PAFAH2: variants seen among roughly 807,000 people sequenced by gnomAD.
The protein encoded by PAFAH2 is platelet activating factor acetylhydrolase 2, also known as platelet-activating factor acetylhydrolase 2, cytoplasmic.
Under a neutral mutation model 49.0 loss-of-function variants are expected in PAFAH2, and 42 were observed. The observed-to-expected ratio is 0.86, with a 90% CI of 0.67 to 1.11. PAFAH2 has a LOEUF of 1.11. Ranked by LOEUF, PAFAH2 falls within the 50% of genes least tolerant of loss-of-function variation. PAFAH2 has a pLI of 0.00. For missense variants in PAFAH2, 503 were observed against 501.8 expected, an observed-to-expected ratio of 1.00 and a Z score of -0.02; for synonymous variants, 184 against 181.3, an observed-to-expected ratio of 1.01 and a Z score of -0.12.
rs1335415258 is a variant in PAFAH2 at position 25,987,421 on chromosome 1, C to T, written c.341+810G>A. Among the ~76,000 whole-genome samples the T allele has an allele frequency of 3.3e-5, 5 of 151,974 alleles. No individual in the cohort carries two copies. In the East Asian group the frequency reaches 9.8e-4, roughly 30 times the overall value. On this transcript the variant is annotated intron_variant, in intron 4 of 10. Coordinates refer to ENST00000374282, the MANE Select transcript of PAFAH2 (RefSeq NM_000437.4). ...TATGTTGATGAACAGACAGAGAGAA[C>T]ATTCACAAGCTTAAATAAGAACACA...
At chr1:25,990,936 C>T in intron 1 of PAFAH2, 73 bp from the exon 2 acceptor site, 1 of 718,110 alleles carries the variant, frequency 1.4e-6, no homozygotes, top group South Asian at 1.7e-5. Context: ...AATGTGTTAT[C>T]TGTTACCCTG....
chr1:25,986,783 G>A (rs1460580443), intron 4 of PAFAH2, among the ~76,000 whole-genome samples: 1 of 151,772 alleles, frequency 6.6e-6, no homozygotes, highest in Non-Finnish European at 1.5e-5. Flanking sequence ...CACCCACCTC[G>A]GCCTCCCAAA....
intron 1 of PAFAH2, among the ~76,000 whole-genome samples, chr1:25,992,233 T>C (rs931923578): frequency 6.6e-6 from 1 of 152,196 alleles, no homozygotes; most frequent in African/African-American, 2.4e-5. Context: ...ACCCAGCTTT[T>C]AAACTACTGA....
Position 25,974,649 on chromosome 1 carries a change from A to C in PAFAH2, c.760T>G (p.Cys254Gly). The part of the protein sequence containing the change: ...LALAKETQFR[C>G]AVALDAWMFP... Reference sequence around the variant, plus strand: ...ATCCAAGCATCCAGAGCCACCGCACACCTGGAATAGGACCAGACATTTGGA... The same window carrying C: ...ATCCAAGCATCCAGAGCCACCGCACCCCTGGAATAGGACCAGACATTTGGA... Residue 254 changes from cysteine to glycine, a missense_variant and splice_region_variant, in exon 9 of 11, where the codon TGT becomes GGT. Cys to Gly is a radical substitution (Grantham distance 159, BLOSUM62 -3). Coordinates refer to ENST00000374282, the MANE Select transcript of PAFAH2 (RefSeq NM_000437.4). 1 of 1,612,416 alleles carries C rather than the reference A, an allele frequency of 6.2e-7. No individual in the cohort carries two copies. The highest frequency in any genetic ancestry group is 8.5e-7 in the Non-Finnish European group (1 of 1,179,106).
In PAFAH2 at chr1:25,960,445, T is replaced by G. The variant is rs1325788776; in HGVS notation, c.*1544A>C. ...AGACTTCCTTCCTTTTAAAGTTTTTTTCCCACATGGGCCCAAGTAGTAAGC... is the reference window on the plus strand; with the variant it reads ...AGACTTCCTTCCTTTTAAAGTTTTTGTCCCACATGGGCCCAAGTAGTAAGC... On this transcript the variant is annotated 3_prime_UTR_variant, in exon 11 of 11. Transcript: ENST00000374282. 1 of 152,676 alleles carries G rather than the reference T, an allele frequency of 6.5e-6. No individual in the cohort carries two copies. Among genetic ancestry groups the G allele is most frequent in the African/African-American group, 2.4e-5 (1 of 41,472 alleles). 9.5% of individuals were successfully genotyped at this position (152,676 alleles called of 1,614,324 possible). A position where few individuals can be genotyped will look rare whatever the true frequency, so the allele number is the denominator to read the frequency against.
intron 9 of PAFAH2, among the ~76,000 whole-genome samples, chr1:25,972,970 G>A (rs543148326): frequency 2.7e-4 from 41 of 152,326 alleles, no homozygotes; most frequent in Admixed American, 7.8e-4. Flanking sequence ...GGCTTGACCC[G>A]TAGACTACAA....
chr1:25,966,119 T>C (rs1411624224), intron 10 of PAFAH2, among the ~76,000 whole-genome samples: 1 of 151,762 alleles, frequency 6.6e-6, no homozygotes, highest in African/African-American at 2.4e-5. Context: ...CCAGAAACAA[T>C]AAATGCTGGT....
intron 1 of PAFAH2, among the ~76,000 whole-genome samples, chr1:25,995,658 T>G (rs1355979080): frequency 1.3e-5 from 2 of 152,222 alleles, no homozygotes; most frequent in African/African-American, 4.8e-5. Flanking sequence ...CCCAGAAGCA[T>G]GTTCCTATCA....
intron 10 of PAFAH2, among the ~76,000 whole-genome samples, chr1:25,969,438 T>G (rs181247111): frequency 1.3e-5 from 2 of 152,222 alleles, no homozygotes; most frequent in South Asian, 4.1e-4. Flanking sequence ...ACCGCCAGCA[T>G]AGTGAAGTGA....
intron 7 of PAFAH2, among the ~76,000 whole-genome samples, chr1:25,981,695 G>C (rs568614769): frequency 2.0e-5 from 3 of 152,208 alleles, no homozygotes; most frequent in African/African-American, 4.8e-5. Flanking sequence ...TCCCAGATTA[G>C]TGGAAGCTAA....
At chr1:25,987,225 C>G (rs2049794849) in intron 4 of PAFAH2, among the ~76,000 whole-genome samples, 1 of 148,348 alleles carries the variant, frequency 6.7e-6, no homozygotes, top group South Asian at 2.1e-4. Flanking sequence ...CTGATCGAGA[C>G]TCTGTCTCAG....
chr1:25,988,436 C>A (rs2049819312), intron 3 of PAFAH2, 109 bp from the exon 4 acceptor site: 1 of 745,684 alleles, frequency 1.3e-6, no homozygotes, highest in African/African-American at 1.8e-5. Context: ...CTCTGGAGAA[C>A]CACCATCGGC....
In PAFAH2 at chr1:25,970,862, T is replaced by G. The variant is rs567047838; in HGVS notation, c.1084+1696A>C. 1.1e-4 allele frequency among the ~76,000 whole-genome samples: 16 copies of G among 152,172 alleles called. 1 individual carries two copies. In the South Asian group the frequency reaches 2.7e-3, roughly 26 times the overall value. ...CTCAGCCTCCCAAAGTAGCTGGGAT[T>G]ACAGATGTTGAGCTACCACACCCGG... On this transcript the variant is annotated intron_variant, in intron 10 of 10. Transcript: ENST00000374282.
At chr1:25,970,650 A>T (rs1309906974) in intron 10 of PAFAH2, among the ~76,000 whole-genome samples, 1 of 152,044 alleles carries the variant, frequency 6.6e-6, no homozygotes. Flanking sequence ...CAATGGCATG[A>T]TCTTGGCTCA....
At chr1:25,980,921 G>A (rs1310854654) in intron 7 of PAFAH2, among the ~76,000 whole-genome samples, 1 of 151,874 alleles carries the variant, frequency 6.6e-6, no homozygotes, top group Non-Finnish European at 1.5e-5. Flanking sequence ...GGAGGCTGAG[G>A]TAGCTACAGT....
chr1:25,959,831 A>G lies in PAFAH2; in HGVS notation c.*2158T>C, dbSNP rs574004645. 6.6e-6 allele frequency: 1 copy of G among 152,336 alleles called. No homozygotes were observed. The highest frequency in any genetic ancestry group is 2.1e-4 in the South Asian group (1 of 4,832). 9.4% of individuals were successfully genotyped at this position (152,336 alleles called of 1,614,324 possible). On this transcript the variant is annotated 3_prime_UTR_variant, in exon 11 of 11. Transcript: ENST00000374282. Reference sequence around the variant, plus strand: ...TACAACATTGATCTCATACTAGGCCAACAACCAAGTTTCAACAAATTTTGA... The same window carrying G: ...TACAACATTGATCTCATACTAGGCCGACAACCAAGTTTCAACAAATTTTGA...
intron 9 of PAFAH2, among the ~76,000 whole-genome samples, chr1:25,974,269 A>G (rs1003380059): frequency 1.3e-5 from 2 of 152,230 alleles, no homozygotes; most frequent in South Asian, 4.1e-4. Context: ...TCATAAAGTC[A>G]GATAAACTAT....
intron 1 of PAFAH2, among the ~76,000 whole-genome samples, chr1:25,994,302 G>T (rs2049911879): frequency 6.6e-6 from 1 of 151,952 alleles, no homozygotes; most frequent in South Asian, 2.1e-4. Flanking sequence ...GCTAATTTTT[G>T]TATTTATTTG....
At chr1:25,991,243 A>G (rs1351226879) in intron 1 of PAFAH2, among the ~76,000 whole-genome samples, 1 of 152,090 alleles carries the variant, frequency 6.6e-6, no homozygotes, top group East Asian at 1.9e-4. Context: ...TAGACACTAT[A>G]CACATTGCAT....
Sources: allele counts gnomAD v4.1 joint callset (sites outside exome capture counted in the v4.1 genomes callset), GRCh38; gene constraint gnomAD v4.1.1; transcripts MANE v1.5; gene names NCBI Gene and HGNC (gene_info 2026-07-23, HGNC 2026-07-21).